Variants in PRUNE2 observed in about 807,000 individuals in gnomAD.
The protein encoded by PRUNE2 is protein prune homolog 2.
A neutral mutation model predicts 252.0 loss-of-function variants in PRUNE2; 164 were observed. That is an observed-to-expected ratio of 0.65 (90% CI 0.57 to 0.74). The LOEUF (loss-of-function observed/expected upper bound fraction) is 0.74, where lower values mean the gene tolerates loss of function less well. Among genes scored for constraint, PRUNE2 ranks in the 30% least tolerant of loss-of-function variants. The pLI is 0.00. For missense variants in PRUNE2, 3,495 were observed against 3,711.0 expected (o/e 0.94, Z 1.51); for synonymous variants, 1,292 against 1,350.2 (o/e 0.96, Z 0.94).
intron 1 of PRUNE2, among the ~76,000 whole-genome samples, chr9:76,901,378 G>A (rs2063163131): frequency 6.6e-6 from 1 of 152,144 alleles, no homozygotes. Context: ...AATGGGGCAG[G>A]AGCTGATCCC....
intron 6 of PRUNE2, among the ~76,000 whole-genome samples, chr9:76,747,158 AG>A: frequency 6.6e-6 from 1 of 152,154 alleles, no homozygotes; most frequent in East Asian, 1.9e-4. Flanking sequence ...CTGCTGGAGA[AG>A]GGTTTGATTG....
chr9:76,646,613 C>A (rs1844966626), intron 11 of PRUNE2, among the ~76,000 whole-genome samples: 1 of 151,988 alleles, frequency 6.6e-6, no homozygotes, highest in African/African-American at 2.4e-5. Flanking sequence ...TTCCTTCCTA[C>A]ATGGGTTAGG....
intron 7 of PRUNE2, 89 bp downstream of exon 7, chr9:76,713,474 C>A: frequency 9.4e-7 from 1 of 1,066,922 alleles, no homozygotes. Flanking sequence ...TGCTCATGAG[C>A]CACCAATCTG....
intron 1 of PRUNE2, among the ~76,000 whole-genome samples, chr9:76,883,314 A>G (rs567407528): frequency 1.6e-4 from 24 of 152,238 alleles, no homozygotes; most frequent in Non-Finnish European, 3.1e-4. Flanking sequence ...TTTCGGGTTC[A>G]ACCTTGAACA....
At chr9:76,645,452 A>C (rs1844415363) in intron 11 of PRUNE2, among the ~76,000 whole-genome samples, 1 of 152,124 alleles carries the variant, frequency 6.6e-6, no homozygotes, top group South Asian at 2.1e-4. Flanking sequence ...TCTGGACATA[A>C]ATTTGATATT....
chr9:76,850,204 C>T (rs528585332), intron 3 of PRUNE2, among the ~76,000 whole-genome samples: 2 of 152,214 alleles, frequency 1.3e-5, no homozygotes, highest in Admixed American at 6.5e-5. Flanking sequence ...TGCACCACCA[C>T]CCTAGCTCAT....
chr9:76,678,349 C>CAA lies in PRUNE2; in HGVS notation c.8277-22849_8277-22848dup, dbSNP rs58096428. On this transcript the variant is annotated intron_variant, in intron 9 of 18. Transcript: ENST00000376718. ...CTGGGAGACAAGAGCGAGACTCCAT[C>CAA]AAAAAAAAAAAAAAAAAAAAAAAAA... Among the ~76,000 whole-genome samples, 165 of 83,116 alleles carry CAA rather than the reference C, an allele frequency of 2.0e-3. 11 individuals are homozygous for CAA. The highest frequency in any genetic ancestry group is 3.6e-3 in the African/African-American group (59 of 16,202). The allele number at this position is 83,116 out of a possible 152,430, so 54.5% of individuals were successfully genotyped here. A position where few individuals can be genotyped will look rare whatever the true frequency, so the allele number is the denominator to read the frequency against.
At chr9:76,761,362 A>G (rs1188865870) in intron 6 of PRUNE2, among the ~76,000 whole-genome samples, 2 of 152,184 alleles carry the variant, frequency 1.3e-5, no homozygotes, top group Non-Finnish European at 2.9e-5. Context: ...TGTGAGGAAC[A>G]GTCACCTATA....
intron 12 of PRUNE2, 53 bp from the exon 13 acceptor site, chr9:76,638,341 T>C: frequency 1.6e-6 from 2 of 1,231,480 alleles, no homozygotes; most frequent in South Asian, 2.4e-5. Flanking sequence ...CTTAACAAGG[T>C]AATATCTGAC....
At chr9:76,724,404 G>C (rs1221601718) in intron 6 of PRUNE2, among the ~76,000 whole-genome samples, 1 of 143,632 alleles carries the variant, frequency 7.0e-6, no homozygotes, top group Non-Finnish European at 1.5e-5. Context: ...AGCCTGGGTG[G>C]GGGTGGAGGT....
intron 1 of PRUNE2, among the ~76,000 whole-genome samples, chr9:76,887,797 T>C (rs1401603824): frequency 6.6e-6 from 1 of 152,202 alleles, no homozygotes; most frequent in East Asian, 1.9e-4. Flanking sequence ...CAGCAACTTG[T>C]AACATGAGCA....
chr9:76,753,919 GAA>G (rs369077074), intron 6 of PRUNE2, among the ~76,000 whole-genome samples: 1 of 129,074 alleles, frequency 7.7e-6, no homozygotes, highest in Admixed American at 8.0e-5. Context: ...CTCTGTCTCA[GAA>G]AAAAAAAAAA....
In PRUNE2 at chr9:76,726,611, A is replaced by G. The variant is rs536413011; in HGVS notation, c.757-12890T>C. ...TATTAAAAAGAGGAGTGATAAATCT[A>G]TAAAAGCGTTAAGCTTAGAGAATGA... On this transcript the variant is annotated intron_variant, in intron 6 of 18. Coordinates refer to ENST00000376718, the MANE Select transcript of PRUNE2 (RefSeq NM_015225.3). Among the ~76,000 whole-genome samples, 6 of 152,376 alleles carry G rather than the reference A, an allele frequency of 3.9e-5. No homozygotes were observed. The South Asian group carries it at 1.0e-3, about 26-fold the overall frequency.
At chr9:76,664,264 C>T (rs1029380364) in intron 9 of PRUNE2, among the ~76,000 whole-genome samples, 2 of 152,086 alleles carry the variant, frequency 1.3e-5, no homozygotes, top group African/African-American at 4.8e-5. Context: ...GTCAAGCAGC[C>T]CTGTGGAGAG....
chr9:76,714,034 T>A (rs1485886663), intron 6 of PRUNE2, among the ~76,000 whole-genome samples: 1 of 152,218 alleles, frequency 6.6e-6, no homozygotes, highest in East Asian at 1.9e-4. Context: ...CAAATCCTAT[T>A]TTCCCTCTTG....
intron 17 of PRUNE2, among the ~76,000 whole-genome samples, chr9:76,619,776 A>G (rs897196460): frequency 1.3e-5 from 2 of 152,220 alleles, no homozygotes; most frequent in African/African-American, 4.8e-5. Flanking sequence ...CCATGAACAC[A>G]GTTAATTTTC....
intron 12 of PRUNE2, among the ~76,000 whole-genome samples, chr9:76,643,962 G>C (rs1197395136): frequency 6.6e-6 from 1 of 152,090 alleles, no homozygotes; most frequent in East Asian, 1.9e-4. Flanking sequence ...TGAACAGCTG[G>C]GTGGTTACAG....
chr9:76,623,612 AG>A (rs1833390675), intron 17 of PRUNE2, among the ~76,000 whole-genome samples: 1 of 152,188 alleles, frequency 6.6e-6, no homozygotes, highest in African/African-American at 2.4e-5. Flanking sequence ...ACAGCTCAAT[AG>A]GGGCAGAGGT....
intron 11 of PRUNE2, among the ~76,000 whole-genome samples, chr9:76,645,676 A>C (rs1243730094): frequency 6.6e-6 from 1 of 152,232 alleles, no homozygotes; most frequent in East Asian, 1.9e-4. Context: ...TATTAAAAAA[A>C]TAAGCAGCAA....
Sources: allele counts gnomAD v4.1 joint callset (sites outside exome capture counted in the v4.1 genomes callset), GRCh38; gene constraint gnomAD v4.1.1; transcripts MANE v1.5; gene names NCBI Gene and HGNC (gene_info 2026-07-23, HGNC 2026-07-21).